Variants in RASD2 observed in about 807,000 individuals in gnomAD.
RASD2 encodes the protein RASD family member 2.
Under a neutral mutation model 15.8 loss-of-function variants are expected in RASD2, and 7 were observed. The ratio of observed to expected loss-of-function variants is 0.44; its 90% CI spans 0.25 to 0.83. RASD2 has a LOEUF of 0.83. Ranked by LOEUF, RASD2 falls within the 40% of genes least tolerant of loss-of-function variation. The pLI is 0.20. For missense variants in RASD2, 274 were observed against 382.8 expected (o/e 0.72, Z 2.37); for synonymous variants, 155 against 153.6 (o/e 1.01, Z -0.07).
chr22:35,539,826 T>C (rs1234950900), upstream of RASD2, among the ~76,000 whole-genome samples: 1 of 152,222 alleles, frequency 6.6e-6, no homozygotes, highest in African/African-American at 2.4e-5. Flanking sequence ...TGTGGAGATA[T>C]GGCCCAGTGA....
intron 1 of RASD2, among the ~76,000 whole-genome samples, chr22:35,542,547 G>A (rs1934379096): frequency 6.6e-6 from 1 of 152,226 alleles, no homozygotes; most frequent in Admixed American, 6.5e-5. Flanking sequence ...CACCTGAGCT[G>A]CCAAGGGTGG....
At chr22:35,534,682 G>A in the RASD2 span, among the ~76,000 whole-genome samples, 1 of 152,226 alleles carries the variant, frequency 6.6e-6, no homozygotes, top group Non-Finnish European at 1.5e-5. Flanking sequence ...ACAAAGGGCT[G>A]CCCTGTATGG....
chr22:35,533,407 A>T, the RASD2 span, among the ~76,000 whole-genome samples: 1 of 152,220 alleles, frequency 6.6e-6, no homozygotes, highest in African/African-American at 2.4e-5. Flanking sequence ...GACTCAATAA[A>T]CACCTAAAAA....
the RASD2 span, among the ~76,000 whole-genome samples, chr22:35,533,918 G>A: frequency 6.6e-6 from 1 of 151,900 alleles, no homozygotes; most frequent in Non-Finnish European, 1.5e-5. Flanking sequence ...TGAGAGTGAT[G>A]ATGGTGATGA....
At chr22:35,535,333 G>A in the RASD2 span, among the ~76,000 whole-genome samples, 1 of 151,620 alleles carries the variant, frequency 6.6e-6, no homozygotes, top group African/African-American at 2.4e-5. Context: ...GAGCCCAGCA[G>A]GTTGAGGCTG....
At chr22:35,545,015 C>T (rs983323066) in intron 1 of RASD2, among the ~76,000 whole-genome samples, 3 of 152,168 alleles carry the variant, frequency 2.0e-5, no homozygotes, top group African/African-American at 7.2e-5. Flanking sequence ...GGCTCCAGGC[C>T]TGGGGTCCGC....
At chr22:35,542,509 C>T (rs1284020036) in intron 1 of RASD2, among the ~76,000 whole-genome samples, 3 of 152,210 alleles carry the variant, frequency 2.0e-5, no homozygotes, top group Non-Finnish European at 4.4e-5. Context: ...GTTGGCCTGC[C>T]AGAAGTGGAT....
At position 35,552,078 on chromosome 22, in the gene RASD2, G is replaced by A. The variant is rs746213390; in HGVS notation, c.*46G>A. The A allele has an allele frequency of 6.2e-5, 97 of 1,555,566 alleles. No homozygotes were observed. The highest frequency in any genetic ancestry group is 7.3e-5 in the Non-Finnish European group (84 of 1,153,188). Reference sequence around the variant, plus strand: ...GCTTGGCCAGTGCCTTCAGGGAGGTGGCCCCAGATGCCCACTGTGCGCATC... The same window carrying A: ...GCTTGGCCAGTGCCTTCAGGGAGGTAGCCCCAGATGCCCACTGTGCGCATC... On this transcript the variant is annotated 3_prime_UTR_variant, in exon 3 of 3. Coordinates refer to ENST00000216127, the MANE Select transcript of RASD2 (RefSeq NM_014310.4).
chr22:35,542,474 G>A (rs1488116631), intron 1 of RASD2, among the ~76,000 whole-genome samples: 2 of 152,206 alleles, frequency 1.3e-5, no homozygotes, highest in Admixed American at 1.3e-4. Context: ...ATTTGCCCAG[G>A]GCTGCCGGGC....
intron 1 of RASD2, among the ~76,000 whole-genome samples, chr22:35,544,774 A>G (rs1425054092): frequency 6.6e-6 from 1 of 152,154 alleles, no homozygotes; most frequent in Non-Finnish European, 1.5e-5. Context: ...GTGCAACTGT[A>G]AGCAAGTAAT....
At chr22:35,538,161 A>G (rs1014383839), upstream of RASD2, among the ~76,000 whole-genome samples, 2 of 151,944 alleles carry the variant, frequency 1.3e-5, no homozygotes, top group Admixed American at 6.6e-5. Flanking sequence ...TTTTAGTAGT[A>G]GGGTTTTGCT....
intron 2 of RASD2, among the ~76,000 whole-genome samples, chr22:35,548,980 G>A (rs868041591): frequency 9.2e-5 from 14 of 152,210 alleles, no homozygotes; most frequent in Non-Finnish European, 8.8e-5. Context: ...CTGGGTACCC[G>A]CTGCAATGAA....
In RASD2 at chr22:35,546,855, G is replaced by A. The variant is rs758004247; in HGVS notation, c.46G>A (p.Ala16Thr). 89 of 1,613,482 alleles carry A rather than the reference G, an allele frequency of 5.5e-5. No individual in the cohort carries two copies. Among genetic ancestry groups the A allele is most frequent in the Non-Finnish European group, 6.8e-5 (80 of 1,179,802 alleles). The change falls in exon 2 of 3, where the codon GCC (alanine) becomes ACC (threonine). Residue 16 changes from alanine to threonine, a missense_variant. By Grantham distance (58) the Ala-to-Thr change is moderately conservative. Coordinates refer to ENST00000216127, the MANE Select transcript of RASD2 (RefSeq NM_014310.4). ...CGGGAACTGCACGCTCAGTGTGCCC[G>A]CCAAAAACTCATACCGCATGGTGGT... ...SSGNCTLSVP[A>T]KNSYRMVVLG...
chr22:35,551,922 G>A lies in RASD2; in HGVS notation c.691G>A (p.Val231Ile), dbSNP rs1601818994. ...RVKEMDAYGM[V>I]SPFARRPSVN... ...CAAGGAGATGGACGCCTATGGCATG[G>A]TCTCGCCCTTCGCCCGCCGCCCCAG... The change falls in exon 3 of 3, where the codon GTC becomes ATC. Residue 231 changes from valine to isoleucine, a missense_variant. Physicochemically the swap from Val to Ile is conservative, Grantham distance 29 (BLOSUM62 3). Transcript: ENST00000216127. The surrounding 1 kb of genome is among the most constrained non-coding windows in gnomAD (Gnocchi z 4.9). 1 of 1,610,836 alleles carries A rather than the reference G, an allele frequency of 6.2e-7. No individual in the cohort carries two copies. Among genetic ancestry groups the A allele is most frequent in the Middle Eastern group, 1.6e-4 (1 of 6,062 alleles).
rs1479459435 is a variant in RASD2, at chr22:35,551,142, T to C, written c.272-361T>C. On this transcript the variant is annotated intron_variant, in intron 2 of 2. Coordinates refer to ENST00000216127, the MANE Select transcript of RASD2 (RefSeq NM_014310.4). The surrounding 1 kb of genome is among the most constrained non-coding windows in gnomAD (Gnocchi z 4.9). ...AAGACAGGCAGGACCCCTGCTCTCA[T>C]AGAAATGATTTTTATTATTATCTGA... is the stretch of plus-strand genomic sequence containing the variant. Among the ~76,000 whole-genome samples the C allele has an allele frequency of 6.6e-6, 1 of 152,150 alleles. No homozygotes were observed. Among genetic ancestry groups the C allele is most frequent in the African/African-American group, 2.4e-5 (1 of 41,436 alleles).
intron 2 of RASD2, among the ~76,000 whole-genome samples, chr22:35,550,266 AAAAT>A (rs575138822): frequency 1.3e-5 from 2 of 151,244 alleles, no homozygotes; most frequent in Non-Finnish European, 1.5e-5. Context: ...TCTGTCTCAG[AAAAT>A]AAATAAATAA....
At chr22:35,537,628 C>T (rs1172892883), upstream of RASD2, among the ~76,000 whole-genome samples, 1 of 152,180 alleles carries the variant, frequency 6.6e-6, no homozygotes, top group Non-Finnish European at 1.5e-5. Flanking sequence ...AGCACAAGAG[C>T]CAGGCTTTGG....
At chr22:35,534,431 G>A in the RASD2 span, among the ~76,000 whole-genome samples, 2 of 152,200 alleles carry the variant, frequency 1.3e-5, no homozygotes, top group African/African-American at 4.8e-5. Context: ...CTCTAATAAT[G>A]CTTCTCCACG....
intron 2 of RASD2, among the ~76,000 whole-genome samples, chr22:35,549,846 C>G (rs1265474402): frequency 3.3e-5 from 5 of 152,144 alleles, no homozygotes; most frequent in Admixed American, 1.3e-4. Flanking sequence ...AGCCATTCTG[C>G]CAGAAGCTGG....
Sources: allele counts gnomAD v4.1 joint callset (sites outside exome capture counted in the v4.1 genomes callset), GRCh38; gene constraint gnomAD v4.1.1; non-coding constraint Gnocchi (gnomAD v3.1); transcripts MANE v1.5; gene names NCBI Gene and HGNC (gene_info 2026-07-23, HGNC 2026-07-21).